Variants in ADGRB3 observed in about 807,000 individuals in gnomAD.
ADGRB3 encodes the protein brain-specific angiogenesis inhibitor 3.
ADGRB3 carries 37 observed loss-of-function variants against 193.4 expected under a neutral mutation model. The observed-to-expected ratio is 0.19, with a 90% CI of 0.15 to 0.25. The LOEUF is 0.25. Among genes scored for constraint, ADGRB3 ranks in the 10% least tolerant of loss-of-function variants. ADGRB3 has a pLI of 1.00. For synonymous variants in ADGRB3, 690 were observed against 644.2 expected (o/e 1.07, Z -1.08); for missense variants, 1,637 against 1,852.9 (o/e 0.88, Z 2.14).
chr6:69,274,759 C>A (rs188226339), intron 20 of ADGRB3, among the ~76,000 whole-genome samples: 3 of 151,904 alleles, frequency 2.0e-5, no homozygotes, highest in African/African-American at 4.8e-5. Flanking sequence ...CTGAAAGAAG[C>A]AATCAGGCAA....
intron 17 of ADGRB3, among the ~76,000 whole-genome samples, chr6:69,167,236 T>TA (rs1775154427): frequency 6.6e-6 from 1 of 152,156 alleles, no homozygotes; most frequent in African/African-American, 2.4e-5. Flanking sequence ...AGAAATGGTC[T>TA]AAAAATGAAG....
chr6:68,793,731 G>T (rs1340800555), intron 3 of ADGRB3, among the ~76,000 whole-genome samples: 2 of 152,050 alleles, frequency 1.3e-5, no homozygotes, highest in African/African-American at 4.8e-5. Flanking sequence ...GTTTACCCCT[G>T]TTGGCCAGAT....
chr6:68,915,539 A>G (rs1343491630), intron 3 of ADGRB3, among the ~76,000 whole-genome samples: 1 of 152,242 alleles, frequency 6.6e-6, no homozygotes, highest in African/African-American at 2.4e-5. Context: ...TATTTTAGAC[A>G]GCTATATGCT....
In ADGRB3 at chr6:68,786,624, C is replaced by A. The variant is rs1357067378; in HGVS notation, c.758-143935C>A. 2.0e-5 allele frequency among the ~76,000 whole-genome samples: 3 copies of A among 152,058 alleles called. No individual in the cohort carries two copies. In the East Asian group the frequency reaches 5.8e-4, roughly 29 times the overall value. On this transcript the variant is annotated intron_variant, in intron 3 of 31. Transcript: ENST00000370598. ...CTTTGTTCTTTTGGCTTAGGATTGA[C>A]TTGGTGATGCAGGCTCTTTTTTGGT...
intron 20 of ADGRB3, among the ~76,000 whole-genome samples, chr6:69,248,275 A>G (rs1766542433): frequency 6.6e-6 from 1 of 152,212 alleles, no homozygotes. Context: ...AATTCTTAAT[A>G]CAATGTAAAA....
At chr6:69,171,984 A>G (rs912846591) in intron 17 of ADGRB3, among the ~76,000 whole-genome samples, 2 of 152,142 alleles carry the variant, frequency 1.3e-5, no homozygotes, top group Non-Finnish European at 2.9e-5. Context: ...GAATTATTAC[A>G]TATGTCTTCC....
At chr6:68,873,291 C>T (rs1482038277) in intron 3 of ADGRB3, among the ~76,000 whole-genome samples, 1 of 152,036 alleles carries the variant, frequency 6.6e-6, no homozygotes, top group Non-Finnish European at 1.5e-5. Context: ...CAATGGATGA[C>T]ACTCATTTCT....
At chr6:69,075,942 C>A (rs1176185425) in intron 16 of ADGRB3, 53 bp from the exon 17 acceptor site, 1 of 1,365,824 alleles carries the variant, frequency 7.3e-7, no homozygotes, top group African/African-American at 1.4e-5. Flanking sequence ...ATCCCTCAAT[C>A]TTTTTATATA....
At chr6:69,383,040 T>C (rs570670953) in intron 31 of ADGRB3, 105 bp downstream of exon 31, 12 of 643,876 alleles carry the variant, frequency 1.9e-5, no homozygotes, top group African/African-American at 1.7e-4. Context: ...TGAGTCTACA[T>C]AGAAAAAAAA....
chr6:68,794,155 T>C (rs1767163243), intron 3 of ADGRB3, among the ~76,000 whole-genome samples: 1 of 152,156 alleles, frequency 6.6e-6, no homozygotes, highest in Admixed American at 6.6e-5. Flanking sequence ...GAGCTCGTAG[T>C]AAATAAATTG....
intron 17 of ADGRB3, among the ~76,000 whole-genome samples, chr6:69,105,719 G>A (rs1211502204): frequency 6.6e-6 from 1 of 152,146 alleles, no homozygotes; most frequent in Non-Finnish European, 1.5e-5. Context: ...TATGAATGAG[G>A]AAATTGAGGG....
intron 3 of ADGRB3, among the ~76,000 whole-genome samples, chr6:68,806,068 A>G (rs930734949): frequency 1.3e-5 from 2 of 152,226 alleles, no homozygotes; most frequent in South Asian, 4.1e-4. Flanking sequence ...TTTGTAGTCA[A>G]TAGGGATCTC....
chr6:68,941,459 T>C (rs1767639745), intron 5 of ADGRB3, among the ~76,000 whole-genome samples: 1 of 152,184 alleles, frequency 6.6e-6, no homozygotes, highest in African/African-American at 2.4e-5. Flanking sequence ...AGTTTCATAA[T>C]TTAACTAAGC....
chr6:68,664,667 T>A (rs1768755711), intron 3 of ADGRB3, among the ~76,000 whole-genome samples: 1 of 151,856 alleles, frequency 6.6e-6, no homozygotes, highest in South Asian at 2.1e-4. Context: ...TACCTCTGAA[T>A]CCTACTATTT....
At chr6:68,693,369 T>G (rs1765109310) in intron 3 of ADGRB3, among the ~76,000 whole-genome samples, 1 of 151,826 alleles carries the variant, frequency 6.6e-6, no homozygotes, top group South Asian at 2.1e-4. Flanking sequence ...TCCTTAAAAA[T>G]GTCAACAATG....
intron 17 of ADGRB3, among the ~76,000 whole-genome samples, chr6:69,194,877 T>C (rs1419990890): frequency 6.6e-6 from 1 of 152,122 alleles, no homozygotes; most frequent in Non-Finnish European, 1.5e-5. Flanking sequence ...TATGAGACTT[T>C]CATGTGCTAT....
intron 17 of ADGRB3, among the ~76,000 whole-genome samples, chr6:69,197,331 T>C (rs1418128549): frequency 6.6e-6 from 1 of 152,086 alleles, no homozygotes; most frequent in East Asian, 1.9e-4. Context: ...TTTATAATGT[T>C]GCATATACAT....
chr6:68,720,700 T>A (rs1765560447), intron 3 of ADGRB3, among the ~76,000 whole-genome samples: 1 of 151,752 alleles, frequency 6.6e-6, no homozygotes, highest in South Asian at 2.1e-4. Flanking sequence ...TGACCATATG[T>A]GTTTTATTTT....
intron 3 of ADGRB3, among the ~76,000 whole-genome samples, chr6:68,731,494 G>T (rs1033465260): frequency 1.3e-5 from 2 of 151,456 alleles, no homozygotes; most frequent in African/African-American, 4.8e-5. Context: ...AATGCTGATG[G>T]TTTTATTTAA....
Sources: gnomAD v4.1 joint callset for allele counts (sites outside exome capture counted in the v4.1 genomes callset) on GRCh38, gnomAD v4.1.1 for gene constraint, MANE v1.5 for transcripts, NCBI Gene and HGNC (gene_info 2026-07-23, HGNC 2026-07-21) for gene names.